Variants in PRSS12 observed in about 807,000 individuals in gnomAD.
The protein encoded by PRSS12 is serine protease 12, also known as neurotrypsin.
A neutral mutation model predicts 104.4 loss-of-function variants in PRSS12; 85 were observed. That is an observed-to-expected ratio of 0.81 (90% confidence interval 0.68 to 0.98). The LOEUF (loss-of-function observed/expected upper bound fraction) is 0.98, where lower values mean the gene tolerates loss of function less well. PRSS12 is among the 50% of genes least tolerant of loss of function. The pLI, the probability that PRSS12 is intolerant of heterozygous loss-of-function variation, is 0.00. For synonymous variants in PRSS12, 454 were observed against 425.2 expected (o/e 1.07, Z -0.83); for missense variants, 1,141 against 1,139.2 (o/e 1.00, Z -0.02).
At chr4:118,290,159 T>C (rs1743097444) in intron 11 of PRSS12, among the ~76,000 whole-genome samples, 3 of 152,132 alleles carry the variant, frequency 2.0e-5, no homozygotes, top group Admixed American at 2.0e-4. Flanking sequence ...TTACTGACTT[T>C]AAGCAATAAT....
chr4:118,348,403 A>G (rs983014859), intron 1 of PRSS12, among the ~76,000 whole-genome samples: 6 of 152,122 alleles, frequency 3.9e-5, no homozygotes, highest in South Asian at 4.1e-4. Context: ...ACCTACCACT[A>G]TACATTTTAG....
At chr4:118,315,279 C>T (rs1349712445) in intron 6 of PRSS12, among the ~76,000 whole-genome samples, 1 of 151,942 alleles carries the variant, frequency 6.6e-6, no homozygotes, top group Admixed American at 6.5e-5. Flanking sequence ...AAGTTATCTA[C>T]CCAAATTATA....
intron 11 of PRSS12, among the ~76,000 whole-genome samples, chr4:118,283,640 CCT>C (rs1374028227): frequency 6.6e-6 from 1 of 152,174 alleles, no homozygotes; most frequent in Admixed American, 6.5e-5. Flanking sequence ...TATCCTTTCC[CCT>C]CTTTTAAATC....
chr4:118,299,005 T>C, intron 8 of PRSS12, 67 bp from the exon 9 acceptor site: 3 of 1,522,442 alleles, frequency 2.0e-6, no homozygotes, highest in Non-Finnish European at 2.7e-6. Flanking sequence ...AATCACAACA[T>C]GTATTCAATT....
chr4:118,325,642 G>A (rs1723751722), intron 4 of PRSS12, among the ~76,000 whole-genome samples: 2 of 152,146 alleles, frequency 1.3e-5, no homozygotes, highest in South Asian at 2.1e-4. Context: ...TGATGACTCT[G>A]CTTTTAAAGA....
At chr4:118,307,508 A>T (rs977896962) in intron 8 of PRSS12, among the ~76,000 whole-genome samples, 1 of 152,210 alleles carries the variant, frequency 6.6e-6, no homozygotes, top group African/African-American at 2.4e-5. Context: ...ATTTATATAC[A>T]TATTATCTTA....
At chr4:118,318,331 T>C (rs762902522) in intron 5 of PRSS12, 47 bp downstream of exon 5, 4 of 1,581,016 alleles carry the variant, frequency 2.5e-6, no homozygotes, top group Admixed American at 3.5e-5. Flanking sequence ...CAGGCCGACA[T>C]GGTACTGGGG....
At chr4:118,320,563 G>A (rs1366025917) in intron 4 of PRSS12, among the ~76,000 whole-genome samples, 1 of 152,012 alleles carries the variant, frequency 6.6e-6, no homozygotes, top group Admixed American at 6.6e-5. Flanking sequence ...ATCAACCTGG[G>A]CAACAGGGCA....
chr4:118,318,351 G>A (rs371739275), intron 5 of PRSS12, 27 bp downstream of exon 5: 59 of 1,611,050 alleles, frequency 3.7e-5, no homozygotes, highest in African/African-American at 9.3e-5. Flanking sequence ...GGCAAGAACT[G>A]GTACACTAAT....
intron 8 of PRSS12, among the ~76,000 whole-genome samples, chr4:118,301,931 T>A (rs1008547159): frequency 1.3e-5 from 2 of 152,158 alleles, no homozygotes; most frequent in African/African-American, 4.8e-5. Context: ...ATACCTCAAT[T>A]CTTAAGGCTT....
At chr4:118,339,007 T>C (rs1724131516) in intron 1 of PRSS12, among the ~76,000 whole-genome samples, 1 of 152,138 alleles carries the variant, frequency 6.6e-6, no homozygotes, top group South Asian at 2.1e-4. Context: ...TCCTCTAATA[T>C]ACCACACCCA....
At chr4:118,286,434 G>C (rs1377962155) in intron 11 of PRSS12, among the ~76,000 whole-genome samples, 1 of 152,118 alleles carries the variant, frequency 6.6e-6, no homozygotes, top group Non-Finnish European at 1.5e-5. Context: ...ATTTTGTCCT[G>C]ATCAAGTCAA....
intron 8 of PRSS12, among the ~76,000 whole-genome samples, chr4:118,307,684 C>G (rs966108528): frequency 1.6e-4 from 25 of 152,006 alleles, no homozygotes; most frequent in African/African-American, 6.0e-4. Flanking sequence ...TTTTTTGCTC[C>G]TCTCACACTG....
Position 118,314,001 on chromosome 4 carries a change from C to T in PRSS12, c.1293-604G>A, listed in dbSNP as rs546317426. On this transcript the variant is annotated intron_variant, in intron 6 of 12. Coordinates refer to ENST00000296498, the MANE Select transcript of PRSS12 (RefSeq NM_003619.4). ...AATTGAGTGTATTTGTAACACTGCA[C>T]TACAGAAACAAAACCTAAACGTATA... is the stretch of plus-strand genomic sequence containing the variant. Among the ~76,000 whole-genome samples, 139 of 152,236 alleles carry T rather than the reference C, an allele frequency of 9.1e-4. 1 individual carries two copies. Among genetic ancestry groups the T allele is most frequent in the African/African-American group, 3.2e-3 (131 of 41,556 alleles).
In PRSS12 at chr4:118,313,397, T is replaced by A; in HGVS notation, c.1293A>T (p.Lys431Asn). The A allele has an allele frequency of 2.5e-6, 4 of 1,613,910 alleles. No homozygotes were observed. The highest frequency in any genetic ancestry group is 3.4e-6 in the Non-Finnish European group (4 of 1,179,854). ...TYVVCRQLGF[K>N]YGKQASANHF... ...GGTTGGCAGATGCTTGTTTACCATA[T>A]CTGTGACAATTGAATAAACACTGTG... is the stretch of plus-strand genomic sequence containing the variant. The change falls in exon 7 of 13, where the codon AAA (lysine) becomes AAT (asparagine). Residue 431 changes from lysine (K) to asparagine (N), a missense_variant and splice_region_variant. Coordinates refer to ENST00000296498, the MANE Select transcript of PRSS12 (RefSeq NM_003619.4).
intron 4 of PRSS12, among the ~76,000 whole-genome samples, chr4:118,319,295 T>C (rs1285572111): frequency 2.6e-5 from 4 of 152,176 alleles, no homozygotes. Context: ...CTTGAAATCC[T>C]GGCCTCAAGC....
chr4:118,346,956 C>G (rs190247107), intron 1 of PRSS12, among the ~76,000 whole-genome samples: 1 of 151,962 alleles, frequency 6.6e-6, no homozygotes, highest in Non-Finnish European at 1.5e-5. Context: ...CGCACACATG[C>G]GTGTGCATGC....
At chr4:118,285,904 G>A (rs1399646789) in intron 11 of PRSS12, among the ~76,000 whole-genome samples, 1 of 151,790 alleles carries the variant, frequency 6.6e-6, no homozygotes, top group Admixed American at 6.6e-5. Context: ...TGTGACGCTT[G>A]GCTAAATTAA....
At chr4:118,345,181 AC>A (rs1275940111) in intron 1 of PRSS12, among the ~76,000 whole-genome samples, 1 of 152,202 alleles carries the variant, frequency 6.6e-6, no homozygotes, top group Non-Finnish European at 1.5e-5. Context: ...TGTTAGAAGA[AC>A]CAGCATTACA....
Sources: allele counts gnomAD v4.1 joint callset (sites outside exome capture counted in the v4.1 genomes callset), GRCh38; gene constraint gnomAD v4.1.1; transcripts MANE v1.5; gene names NCBI Gene and HGNC (gene_info 2026-07-23, HGNC 2026-07-21).